EYS: variants seen among roughly 807,000 people sequenced by gnomAD.
EYS encodes the protein EGF-like photoreceptor maintenance factor.
EYS carries 250 observed loss-of-function variants against 282.1 expected under a neutral mutation model. The ratio of observed to expected loss-of-function variants is 0.89; its 90% CI spans 0.80 to 0.98. The LOEUF is 0.98. Ranked by LOEUF, EYS falls within the 50% of genes least tolerant of loss-of-function variation. The pLI is 0.00. For missense variants in EYS, 4,016 were observed against 3,709.0 expected (o/e 1.08, Z -2.15); for synonymous variants, 1,355 against 1,282.9 (o/e 1.06, Z -1.20).
chr6:64,086,672 T>A (rs78450050), intron 31 of EYS, among the ~76,000 whole-genome samples: 1,581 of 152,310 alleles, frequency 0.01, 28 homozygotes, highest in African/African-American at 0.036. Context: ...TATCCGCAAC[T>A]TTTTTAGTCT....
chr6:63,828,734 A>G (rs544293120), intron 36 of EYS, among the ~76,000 whole-genome samples: 14 of 152,344 alleles, frequency 9.2e-5, no homozygotes, highest in Non-Finnish European at 2.1e-4. Context: ...GATCAGGTAA[A>G]TGCAAATCAA....
intron 12 of EYS, among the ~76,000 whole-genome samples, chr6:65,138,437 TAA>T (rs1287659100): frequency 6.6e-6 from 1 of 152,042 alleles, no homozygotes; most frequent in Admixed American, 6.6e-5. Context: ...TAAAATATAT[TAA>T]GAGTGTATAT....
chr6:63,797,469 T>C (rs1441448974), intron 37 of EYS: 1 of 152,122 alleles, frequency 6.6e-6, no homozygotes, highest in African/African-American at 2.4e-5. Context: ...AGTCTCTACT[T>C]TAGGGGATGC....
At chr6:64,019,751 G>A (rs1011666204) in intron 33 of EYS, among the ~76,000 whole-genome samples, 13 of 151,034 alleles carry the variant, frequency 8.6e-5, no homozygotes, top group Admixed American at 6.6e-4. Flanking sequence ...AAAATAAGAA[G>A]CAAAGGTTTG....
chr6:64,294,617 G>C (rs552855112), intron 30 of EYS, among the ~76,000 whole-genome samples: 2 of 152,168 alleles, frequency 1.3e-5, no homozygotes, highest in Non-Finnish European at 2.9e-5. Flanking sequence ...TTAGTGGAGA[G>C]CTTCAATTCT....
chr6:65,199,937 T>C (rs1020124332), intron 12 of EYS, among the ~76,000 whole-genome samples: 1 of 152,204 alleles, frequency 6.6e-6, no homozygotes, highest in East Asian at 1.9e-4. Context: ...ACATTGAGGA[T>C]AGTATAAATC....
intron 15 of EYS, among the ~76,000 whole-genome samples, chr6:64,937,114 C>T (rs952981961): frequency 5.9e-5 from 9 of 151,332 alleles, no homozygotes; most frequent in African/African-American, 2.2e-4. Flanking sequence ...GAGGCTAGAC[C>T]TTTACCTCAC....
intron 12 of EYS, among the ~76,000 whole-genome samples, chr6:65,145,750 C>T (rs1301779017): frequency 6.6e-6 from 1 of 151,774 alleles, no homozygotes; most frequent in East Asian, 1.9e-4. Context: ...TCGTTCTTGC[C>T]AAAATTTTCA....
chr6:65,002,073 A>T (rs1771484319), intron 13 of EYS, among the ~76,000 whole-genome samples: 1 of 146,136 alleles, frequency 6.8e-6, no homozygotes, highest in African/African-American at 2.4e-5. Flanking sequence ...TACATTGTTA[A>T]TCAATGTGAA....
chr6:64,466,753 C>T (rs1185946297), intron 26 of EYS, among the ~76,000 whole-genome samples: 3 of 151,932 alleles, frequency 2.0e-5, no homozygotes, highest in South Asian at 2.1e-4. Context: ...AGTGTTACTA[C>T]CACAAAAATT....
intron 12 of EYS, among the ~76,000 whole-genome samples, chr6:65,240,832 T>C (rs1582054124): frequency 1.3e-5 from 2 of 152,330 alleles, no homozygotes; most frequent in East Asian, 3.9e-4. Context: ...ATGGTATTTC[T>C]GTTCGAAGTT....
At chr6:64,584,341 C>G (rs1222767359) in intron 26 of EYS, among the ~76,000 whole-genome samples, 3 of 151,588 alleles carry the variant, frequency 2.0e-5, no homozygotes, top group Non-Finnish European at 4.4e-5. Context: ...AAACAATTTT[C>G]CATGTCAGTA....
intron 22 of EYS, among the ~76,000 whole-genome samples, chr6:64,731,268 A>T (rs1347034553): frequency 6.6e-6 from 1 of 152,194 alleles, no homozygotes. Flanking sequence ...CAAAAGCCCC[A>T]GTTGACATAT....
intron 31 of EYS, among the ~76,000 whole-genome samples, chr6:64,199,044 A>G (rs1257560395): frequency 6.6e-6 from 1 of 152,120 alleles, no homozygotes; most frequent in Non-Finnish European, 1.5e-5. Context: ...TGGTTACTTC[A>G]TTATGCTTTT....
chr6:65,268,768 ATTG>A (rs1767823634), intron 12 of EYS, among the ~76,000 whole-genome samples: 1 of 151,524 alleles, frequency 6.6e-6, no homozygotes, highest in South Asian at 2.1e-4. Context: ...CGCAAGAGGA[ATTG>A]TTTTTTGTAA....
At chr6:63,988,452 C>T (rs1473002440) in intron 34 of EYS, among the ~76,000 whole-genome samples, 1 of 151,558 alleles carries the variant, frequency 6.6e-6, no homozygotes, top group Non-Finnish European at 1.5e-5. Context: ...AAATAGATGG[C>T]TCCTGTATTT....
intron 30 of EYS, among the ~76,000 whole-genome samples, chr6:64,296,579 T>C (rs1421098398): frequency 3.0e-4 from 2 of 6,718 alleles, no homozygotes; most frequent in Admixed American, 3.5e-3. Flanking sequence ...TATATATATA[T>C]ATATACATAT....
chr6:63,848,375 C>G (rs974327886), intron 36 of EYS, among the ~76,000 whole-genome samples: 2 of 151,838 alleles, frequency 1.3e-5, no homozygotes, highest in Non-Finnish European at 2.9e-5. Context: ...TTTAAATATG[C>G]CACTTTGGGG....
chr6:64,354,933 T>C (rs1362868913), intron 29 of EYS, among the ~76,000 whole-genome samples: 2 of 151,580 alleles, frequency 1.3e-5, no homozygotes, highest in African/African-American at 4.8e-5. Flanking sequence ...TTTTTCAAGA[T>C]ATTCCTTAAT....
Sources: gnomAD v4.1 joint callset for allele counts (sites outside exome capture counted in the v4.1 genomes callset) on GRCh38, gnomAD v4.1.1 for gene constraint, MANE v1.5 for transcripts, NCBI Gene and HGNC (gene_info 2026-07-23, HGNC 2026-07-21) for gene names.